The following ATP6V1E2 variants were observed in gnomAD, a reference collection of about 807,000 sequenced individuals.
ATP6V1E2 encodes the protein V-type proton ATPase subunit E 2.
For missense variants in ATP6V1E2, 308 were observed against 273.3 expected, an observed-to-expected ratio of 1.13 and a Z score of -0.90; for synonymous variants, 121 against 104.2, an observed-to-expected ratio of 1.16 and a Z score of -0.98.
At chr2:46,537,085 T>C (rs1334291429) in intron 2 of ATP6V1E2, among the ~76,000 whole-genome samples, 1 of 152,200 alleles carries the variant, frequency 6.6e-6, no homozygotes, top group Non-Finnish European at 1.5e-5. Context: ...GCCTGGCCTC[T>C]CCTAAAATTC....
intron 4 of ATP6V1E2, among the ~76,000 whole-genome samples, chr2:46,533,160 A>ATTT (rs1195028260): frequency 2.0e-5 from 3 of 150,124 alleles, no homozygotes; most frequent in East Asian, 3.9e-4. Context: ...TATATCTAAC[A>ATTT]TTATATATAA....
At chr2:46,536,535 T>C (rs1393695352) in intron 3 of ATP6V1E2, 76 bp downstream of exon 3, 1 of 152,424 alleles carries the variant, frequency 6.6e-6, no homozygotes, top group African/African-American at 2.4e-5. Context: ...ATTCTGGGCA[T>C]TGTGGTGGGA....
intron 4 of ATP6V1E2, among the ~76,000 whole-genome samples, chr2:46,520,400 C>T (rs988009771): frequency 1.3e-5 from 2 of 152,210 alleles, no homozygotes; most frequent in Admixed American, 1.3e-4. Flanking sequence ...ACACTTCTAC[C>T]CTGCTGAAGC....
At chr2:46,522,744 G>T (rs998532549) in intron 4 of ATP6V1E2, among the ~76,000 whole-genome samples, 1 of 152,116 alleles carries the variant, frequency 6.6e-6, no homozygotes, top group African/African-American at 2.4e-5. Context: ...ATAATCTTTT[G>T]GGTATATACC....
chr2:46,514,921 A>G (rs560988001), intron 4 of ATP6V1E2, among the ~76,000 whole-genome samples: 1 of 152,336 alleles, frequency 6.6e-6, no homozygotes, highest in African/African-American at 2.4e-5. Context: ...GAGCTTCTAT[A>G]AGACTAACAG....
rs1558652946 is a variant in ATP6V1E2 at position 46,512,343 on chromosome 2, A to T, written c.369T>A (p.Gly123=). 1.9e-6 allele frequency: 3 copies of T among 1,613,766 alleles called. No homozygotes were observed. Among genetic ancestry groups the T allele is most frequent in the Non-Finnish European group, 1.7e-6 (2 of 1,179,890 alleles). Residue 123 remains glycine (G), a synonymous_variant, in exon 5 of 5, where the codon GGT becomes GGA. Transcript: ENST00000522587. The part of the protein sequence containing the change: ...QGLLDKLVLQ[G]LLRLLEPVMI... Reference sequence around the variant, plus strand: ...TCACAGGTTCCAGCAGTCGGAGCAGACCCTGGAGCACCAGTTTATCCAGCA... The same window carrying T: ...TCACAGGTTCCAGCAGTCGGAGCAGTCCCTGGAGCACCAGTTTATCCAGCA...
Position 46,527,587 on chromosome 2 carries a change from G to C in ATP6V1E2, c.-102+8226C>G, listed in dbSNP as rs532309924. Among the ~76,000 whole-genome samples, 31 of 152,072 alleles carry C rather than the reference G, an allele frequency of 2.0e-4. No homozygotes were observed. The East Asian group carries it at 5.8e-3, about 28-fold the overall frequency. ...TCACTTTGTTGCCCAGGCTGGTCTT[G>C]AACTTTTGGCCTCAAGTGATCCTCC... On this transcript the variant is annotated intron_variant, in intron 4 of 4. Transcript: ENST00000522587.
At chr2:46,523,097 G>T (rs1666722935) in intron 4 of ATP6V1E2, among the ~76,000 whole-genome samples, 1 of 151,422 alleles carries the variant, frequency 6.6e-6, no homozygotes, top group Admixed American at 6.6e-5. Context: ...TTTTTTAATT[G>T]TAAATATGTT....
chr2:46,518,600 G>A (rs1418259733), intron 4 of ATP6V1E2, among the ~76,000 whole-genome samples: 3 of 151,528 alleles, frequency 2.0e-5, no homozygotes, highest in Admixed American at 6.6e-5. Context: ...CAAAGACCAA[G>A]CCCTTGGGTT....
chr2:46,514,958 T>C (rs1217674962), intron 4 of ATP6V1E2, among the ~76,000 whole-genome samples: 2 of 151,970 alleles, frequency 1.3e-5, no homozygotes, highest in African/African-American at 4.8e-5. Context: ...TATCTTGTAG[T>C]ACAGGAAAGA....
intron 2 of ATP6V1E2, 147 bp from the exon 3 acceptor site, chr2:46,536,850 C>G (rs1667469561): frequency 6.6e-6 from 1 of 151,910 alleles, no homozygotes; most frequent in African/African-American, 2.4e-5. Flanking sequence ...GTGGCACCAT[C>G]TCAGCTCATT....
chr2:46,524,113 A>G (rs1030137023), intron 4 of ATP6V1E2, among the ~76,000 whole-genome samples: 3 of 151,084 alleles, frequency 2.0e-5, no homozygotes, highest in African/African-American at 4.9e-5. Flanking sequence ...TTGCTTATCA[A>G]TTCGACAAGT....
At chr2:46,536,437 T>C (rs947509376) in intron 3 of ATP6V1E2, among the ~76,000 whole-genome samples, 174 bp downstream of exon 3, 1 of 151,592 alleles carries the variant, frequency 6.6e-6, no homozygotes, top group Non-Finnish European at 1.5e-5. Flanking sequence ...GGGAGAAAAA[T>C]AGGGATAGGG....
At chr2:46,518,493 ACAC>A (rs1666417191) in intron 4 of ATP6V1E2, among the ~76,000 whole-genome samples, 1 of 28,358 alleles carries the variant, frequency 3.5e-5, no homozygotes, top group Non-Finnish European at 6.3e-5. Flanking sequence ...CACACACAAC[ACAC>A]ACACACACAC....
intron 4 of ATP6V1E2, among the ~76,000 whole-genome samples, chr2:46,522,374 C>T (rs936885556): frequency 6.6e-6 from 1 of 151,976 alleles, no homozygotes; most frequent in Non-Finnish European, 1.5e-5. Context: ...ATTGACCCAT[C>T]CTGTAAGTTT....
At chr2:46,515,508 A>G (rs945447586) in intron 4 of ATP6V1E2, among the ~76,000 whole-genome samples, 1 of 152,196 alleles carries the variant, frequency 6.6e-6, no homozygotes, top group Non-Finnish European at 1.5e-5. Context: ...AAGTTACACA[A>G]AAGAAAATGT....
chr2:46,533,431 C>G (rs772127358), intron 4 of ATP6V1E2, among the ~76,000 whole-genome samples: 4 of 151,962 alleles, frequency 2.6e-5, no homozygotes, highest in Admixed American at 6.6e-5. Flanking sequence ...TGCCACCACA[C>G]CCAACTATAT....
At chr2:46,513,409 G>A (rs996344359) in intron 4 of ATP6V1E2, among the ~76,000 whole-genome samples, 9 of 152,218 alleles carry the variant, frequency 5.9e-5, no homozygotes, top group Admixed American at 4.6e-4. Flanking sequence ...TGGGTGGAAT[G>A]TTCTGCATAT....
intron 4 of ATP6V1E2, among the ~76,000 whole-genome samples, chr2:46,525,486 AAAAG>A (rs1388375550): frequency 1.5e-4 from 23 of 149,480 alleles, no homozygotes; most frequent in Admixed American, 1.2e-3. Context: ...AGAAAAAAAA[AAAAG>A]AAAGCAGGGA....
Sources: allele counts gnomAD v4.1 joint callset (sites outside exome capture counted in the v4.1 genomes callset), GRCh38; gene constraint gnomAD v4.1.1; transcripts MANE v1.5; gene names NCBI Gene and HGNC (gene_info 2026-07-23, HGNC 2026-07-21).